KCNQ3: variants seen among roughly 807,000 people sequenced by gnomAD.
The protein encoded by KCNQ3 is potassium voltage-gated channel subfamily Q member 3, also known as potassium voltage-gated channel subfamily KQT member 3.
In KCNQ3, 30 loss-of-function variants were observed where a neutral mutation model predicts 92.5. That is an observed-to-expected ratio of 0.32 (90% CI 0.24 to 0.44). The LOEUF (loss-of-function observed/expected upper bound fraction) is 0.44, where lower values mean the gene tolerates loss of function less well. KCNQ3 is among the 20% of genes least tolerant of loss of function. The pLI is 1.00. For synonymous variants in KCNQ3, 450 were observed against 468.8 expected (o/e 0.96, Z 0.52); for missense variants, 913 against 1,140.3 (o/e 0.80, Z 2.87).
chr8:132,160,402 T>C (rs1446326724), intron 9 of KCNQ3, among the ~76,000 whole-genome samples: 1 of 152,152 alleles, frequency 6.6e-6, no homozygotes, highest in African/African-American at 2.4e-5. Flanking sequence ...TCCTCATAAG[T>C]AAAACAGAGG....
intron 1 of KCNQ3, among the ~76,000 whole-genome samples, chr8:132,204,248 G>A (rs1460631819): frequency 6.6e-6 from 1 of 152,222 alleles, no homozygotes; most frequent in African/African-American, 2.4e-5. Flanking sequence ...GGCAGATCCT[G>A]CATCTCCAAC....
chr8:132,153,495 G>A (rs1825699770), intron 9 of KCNQ3, among the ~76,000 whole-genome samples: 1 of 152,094 alleles, frequency 6.6e-6, no homozygotes. Context: ...CAAAGCCCTA[G>A]GAAAGAAAAC....
At chr8:132,404,241 G>C (rs935031072) in intron 1 of KCNQ3, among the ~76,000 whole-genome samples, 3 of 152,140 alleles carry the variant, frequency 2.0e-5, no homozygotes, top group African/African-American at 7.2e-5. Flanking sequence ...AGGGAAGGTG[G>C]GCTTCTGTCA....
At chr8:132,365,680 A>G (rs1819302149) in intron 1 of KCNQ3, among the ~76,000 whole-genome samples, 1 of 152,212 alleles carries the variant, frequency 6.6e-6, no homozygotes, top group South Asian at 2.1e-4. Context: ...ATAAATGTAA[A>G]CAGAATCTGG....
intron 2 of KCNQ3, among the ~76,000 whole-genome samples, 182 bp downstream of exon 2, chr8:132,185,909 C>A (rs1431412680): frequency 1.3e-5 from 2 of 152,230 alleles, no homozygotes; most frequent in Non-Finnish European, 2.9e-5. Flanking sequence ...CCATTCTTCA[C>A]CCCACATGTG....
chr8:132,347,288 C>T (rs1360016434), intron 1 of KCNQ3, among the ~76,000 whole-genome samples: 1 of 152,154 alleles, frequency 6.6e-6, no homozygotes, highest in East Asian at 1.9e-4. Flanking sequence ...TTTCAATGGC[C>T]TGGAAAGTAC....
At chr8:132,472,081 A>G (rs975387273) in intron 1 of KCNQ3, among the ~76,000 whole-genome samples, 3 of 152,214 alleles carry the variant, frequency 2.0e-5, no homozygotes, top group African/African-American at 7.2e-5. Context: ...CCCTAGTTAG[A>G]ATGGTCATTA....
intron 1 of KCNQ3, among the ~76,000 whole-genome samples, chr8:132,367,317 G>C (rs894968736): frequency 2.0e-5 from 3 of 152,050 alleles, no homozygotes; most frequent in African/African-American, 7.2e-5. Context: ...AGAAGTTCTT[G>C]GATTAAACTC....
At chr8:132,257,926 T>C (rs1223423148) in intron 1 of KCNQ3, among the ~76,000 whole-genome samples, 2 of 152,164 alleles carry the variant, frequency 1.3e-5, no homozygotes, top group Non-Finnish European at 2.9e-5. Context: ...CCAAAGGGCA[T>C]TTTATGATGG....
intron 1 of KCNQ3, among the ~76,000 whole-genome samples, chr8:132,217,729 A>AAAC (rs1814087300): frequency 6.6e-6 from 1 of 150,964 alleles, no homozygotes; most frequent in South Asian, 2.1e-4. Context: ...AAAAAAAAAA[A>AAAC]ACAAAACACT....
At chr8:132,145,022 G>A (rs1475262073) in intron 9 of KCNQ3, among the ~76,000 whole-genome samples, 4 of 152,170 alleles carry the variant, frequency 2.6e-5, no homozygotes, top group African/African-American at 9.7e-5. Flanking sequence ...GGCACATTTG[G>A]CCATGCCTGG....
chr8:132,422,378 C>CTT (rs1466034005), intron 1 of KCNQ3, among the ~76,000 whole-genome samples: 1 of 152,148 alleles, frequency 6.6e-6, no homozygotes, highest in Non-Finnish European at 1.5e-5. Flanking sequence ...CCTGGTTCCC[C>CTT]ACTAAGACTC....
At chr8:132,163,578 C>T (rs1166330113) in intron 8 of KCNQ3, 84 bp from the exon 9 acceptor site, 1 of 1,165,218 alleles carries the variant, frequency 8.6e-7, no homozygotes, top group East Asian at 2.4e-5. Context: ...TGCAAAGCTT[C>T]TCTCTGAAGA....
chr8:132,402,244 G>GGCTTAATGAGAAGGA, intron 1 of KCNQ3, among the ~76,000 whole-genome samples: 1 of 152,050 alleles, frequency 6.6e-6, no homozygotes, highest in Non-Finnish European at 1.5e-5. Context: ...CTTCCTTCTT[G>GGCTTAATGAGAAGGA]GCTTAATGAG....
At position 132,178,320 on chromosome 8, in the gene KCNQ3, T is replaced by C. The variant is rs138286685; in HGVS notation, c.777+1837A>G. On this transcript the variant is annotated intron_variant, in intron 4 of 14. Transcript: ENST00000388996. ...ACCTCACTGATTCTGCAGCCAGAAG[T>C]AGCACAGACAAAAAATAAAACACAG... Among the ~76,000 whole-genome samples, 49 of 152,346 alleles carry C rather than the reference T, an allele frequency of 3.2e-4. 1 individual carries two copies. The East Asian group carries it at 8.9e-3, about 28-fold the overall frequency.
chr8:132,425,703 C>A (rs1412062525), intron 1 of KCNQ3, among the ~76,000 whole-genome samples: 1 of 152,198 alleles, frequency 6.6e-6, no homozygotes, highest in Non-Finnish European at 1.5e-5. Context: ...GGGACTCCTG[C>A]TGTAAGGCTT....
chr8:132,327,182 T>C (rs1411560227), intron 1 of KCNQ3, among the ~76,000 whole-genome samples: 1 of 152,244 alleles, frequency 6.6e-6, no homozygotes, highest in East Asian at 1.9e-4. Context: ...TTCCCTGTTT[T>C]ATGGCCTTTA....
intron 1 of KCNQ3, among the ~76,000 whole-genome samples, chr8:132,275,658 A>C (rs889154314): frequency 1.6e-4 from 25 of 151,744 alleles, no homozygotes; most frequent in African/African-American, 5.8e-4. Context: ...GCTCACTGCA[A>C]GCTCCGCCTC....
At chr8:132,195,072 T>C (rs1827266175) in intron 1 of KCNQ3, among the ~76,000 whole-genome samples, 1 of 152,234 alleles carries the variant, frequency 6.6e-6, no homozygotes. Flanking sequence ...ACCAGGGTCA[T>C]TCAGGGAATT....
Sources: gnomAD v4.1 joint callset for allele counts (sites outside exome capture counted in the v4.1 genomes callset) on GRCh38, gnomAD v4.1.1 for gene constraint, MANE v1.5 for transcripts, NCBI Gene and HGNC (gene_info 2026-07-23, HGNC 2026-07-21) for gene names.